The following SLIT3 variants were observed in gnomAD, a reference collection of about 807,000 sequenced individuals.
SLIT3 encodes the protein slit guidance ligand 3.
A neutral mutation model predicts 184.0 loss-of-function variants in SLIT3; 68 were observed. That is an observed-to-expected ratio of 0.37 (90% CI 0.30 to 0.45). The LOEUF (loss-of-function observed/expected upper bound fraction) is 0.45. SLIT3 is among the 20% of genes least tolerant of loss of function. The pLI, the probability that SLIT3 is intolerant of heterozygous loss-of-function variation, is 1.00. For synonymous variants in SLIT3, 831 were observed against 828.6 expected (o/e 1.00, Z -0.05); for missense variants, 1,707 against 2,026.0 (o/e 0.84, Z 3.02).
rs531475136 is a variant in SLIT3 at position 168,662,252 on chromosome 5, G to A, written c.*4202C>T. On this transcript the variant is annotated 3_prime_UTR_variant, in exon 36 of 36. Coordinates refer to ENST00000519560, the MANE Select transcript of SLIT3 (RefSeq NM_003062.4). ...TTCCTGCCTACCAGTAATGCCCTAT[G>A]ACTCCTCCAGCTCTGGTATCTGGGA... 6.6e-6 allele frequency: 1 copy of A among 152,350 alleles called. No individual in the cohort carries two copies. The highest frequency in any genetic ancestry group is 1.9e-4 in the East Asian group (1 of 5,186). 9.4% of individuals were successfully genotyped at this position (152,350 alleles called of 1,614,324 possible). A position where few individuals can be genotyped will look rare whatever the true frequency, so the allele number is the denominator to read the frequency against.
intron 1 of SLIT3, among the ~76,000 whole-genome samples, chr5:169,272,229 C>T (rs1004870688): frequency 6.6e-6 from 1 of 152,246 alleles, no homozygotes; most frequent in African/African-American, 2.4e-5. Context: ...CCTGACCACA[C>T]ACCTCCACCC....
chr5:169,033,367 T>C (rs540291071), intron 4 of SLIT3, among the ~76,000 whole-genome samples: 141 of 152,332 alleles, frequency 9.3e-4, no homozygotes, highest in African/African-American at 3.3e-3. Context: ...CTTAGGTTGT[T>C]GCCTATGTTC....
intron 4 of SLIT3, among the ~76,000 whole-genome samples, chr5:168,891,008 T>C (rs925253770): frequency 6.6e-6 from 1 of 152,210 alleles, no homozygotes; most frequent in Non-Finnish European, 1.5e-5. Context: ...TTCAATTCTC[T>C]GAATCTCAAC....
chr5:169,248,938 A>T (rs954335889), intron 2 of SLIT3, among the ~76,000 whole-genome samples: 10 of 152,168 alleles, frequency 6.6e-5, no homozygotes, highest in Non-Finnish European at 7.3e-5. Context: ...TCTCCATTTT[A>T]TCTGCTTTTG....
At chr5:168,938,723 C>T (rs777782960) in intron 4 of SLIT3, among the ~76,000 whole-genome samples, 9 of 152,094 alleles carry the variant, frequency 5.9e-5, no homozygotes, top group Non-Finnish European at 1.2e-4. Context: ...CTCCTCCTCC[C>T]GGGTTCAAGC....
chr5:168,983,487 G>A (rs545264047), intron 4 of SLIT3, among the ~76,000 whole-genome samples: 6 of 152,110 alleles, frequency 3.9e-5, no homozygotes, highest in South Asian at 4.1e-4. Context: ...TGGTTTCTCC[G>A]CAGCTAAGAT....
At chr5:168,789,747 CA>C (rs1756289798) in intron 10 of SLIT3, 116 bp from the exon 11 acceptor site, 2 of 766,584 alleles carry the variant, frequency 2.6e-6, no homozygotes, top group Admixed American at 2.2e-5. Flanking sequence ...ATCAATCAAT[CA>C]AGCAATTCAT....
rs999053786 is a variant in SLIT3 at position 169,164,889 on chromosome 5, T to C, written c.413+28590A>G. Among the ~76,000 whole-genome samples the C allele has an allele frequency of 3.9e-5, 6 of 152,242 alleles. No homozygotes were observed. In the East Asian group the frequency reaches 1.2e-3, roughly 29 times the overall value. On this transcript the variant is annotated intron_variant, in intron 4 of 35. Transcript: ENST00000519560. ...GGGACAAAGATGGGGGCAGGCTCACTGCGTGAGCCACAGAAGATACCCTGC... is the reference window on the plus strand; with the variant it reads ...GGGACAAAGATGGGGGCAGGCTCACCGCGTGAGCCACAGAAGATACCCTGC...
intron 3 of SLIT3, among the ~76,000 whole-genome samples, chr5:169,198,056 C>T (rs1763795571): frequency 6.6e-6 from 1 of 152,230 alleles, no homozygotes; most frequent in Non-Finnish European, 1.5e-5. Context: ...ATCTATGCAT[C>T]AACCAACCCA....
At chr5:169,274,355 A>T (rs995279890) in intron 1 of SLIT3, among the ~76,000 whole-genome samples, 1 of 152,220 alleles carries the variant, frequency 6.6e-6, no homozygotes, top group African/African-American at 2.4e-5. Flanking sequence ...ATGAAAGGCA[A>T]CTACTTTAAC....
At chr5:168,874,492 C>T (rs1026347044) in intron 5 of SLIT3, among the ~76,000 whole-genome samples, 1 of 152,226 alleles carries the variant, frequency 6.6e-6, no homozygotes, top group Non-Finnish European at 1.5e-5. Flanking sequence ...GACTCAACCT[C>T]TCCTTTTACG....
chr5:168,995,734 T>A (rs2113402430), intron 4 of SLIT3: 1 of 152,436 alleles, frequency 6.6e-6, no homozygotes, highest in East Asian at 1.9e-4. Context: ...CTGCTCCCTC[T>A]GCTTCCCTGT....
At chr5:168,963,721 G>A (rs1050210538) in intron 4 of SLIT3, among the ~76,000 whole-genome samples, 3 of 152,172 alleles carry the variant, frequency 2.0e-5, no homozygotes, top group East Asian at 1.9e-4. Context: ...CAGTTGCTGC[G>A]AGACAAACCC....
intron 1 of SLIT3, among the ~76,000 whole-genome samples, chr5:169,254,311 C>A (rs1465202127): frequency 6.6e-6 from 1 of 152,096 alleles, no homozygotes; most frequent in Non-Finnish European, 1.5e-5. Flanking sequence ...CCAGGCTCCT[C>A]CAGACCTTTA....
intron 4 of SLIT3, among the ~76,000 whole-genome samples, chr5:169,117,021 G>A (rs1760692213): frequency 6.6e-6 from 1 of 152,154 alleles, no homozygotes. Context: ...CAGGGGGCAG[G>A]GAGCAGGGGG....
chr5:168,972,377 G>GTGTGTGTGTGTGTGTGT (rs1554086377), intron 4 of SLIT3, among the ~76,000 whole-genome samples: 1 of 151,052 alleles, frequency 6.6e-6, no homozygotes, highest in Non-Finnish European at 1.5e-5. Context: ...GTGTGTGTGT[G>GTGTGTGTGTGTGTGTGT]AAGAGAGAAA....
rs765036841 is a variant in SLIT3, at chr5:168,683,958, G to A, written c.3686+8C>T. The A allele has an allele frequency of 1.9e-6, 3 of 1,541,812 alleles. No individual in the cohort carries two copies. The highest frequency in any genetic ancestry group is 3.7e-5 in the Admixed American group (2 of 53,502). ...ACACAGTGGGTCAGGAGGGAGAGAG[G>A]CCCTTACCTGTACACTGTGGTTGGA... On this transcript the variant is annotated splice_region_variant and intron_variant, in intron 32 of 35. Coordinates refer to ENST00000519560, the MANE Select transcript of SLIT3 (RefSeq NM_003062.4).
chr5:169,209,394 G>A (rs995715927), intron 3 of SLIT3, among the ~76,000 whole-genome samples: 1 of 152,158 alleles, frequency 6.6e-6, no homozygotes, highest in South Asian at 2.1e-4. Context: ...ACAATGTGGC[G>A]ATTCCTCAAG....
Position 169,104,191 on chromosome 5 carries a change from G to A in SLIT3, c.413+89288C>T, listed in dbSNP as rs965113838. The stretch of plus-strand genomic sequence containing the variant: ...ACCCCCATATTTGATCTGAAGGTGG[G>A]TCCCTTGCCAAGAGGTGCACCCATG... On this transcript the variant is annotated intron_variant, in intron 4 of 35. Coordinates refer to ENST00000519560, the MANE Select transcript of SLIT3 (RefSeq NM_003062.4). 2.6e-5 allele frequency among the ~76,000 whole-genome samples: 4 copies of A among 152,224 alleles called. No homozygotes were observed. In the South Asian group the frequency reaches 6.2e-4, roughly 24 times the overall value.
Sources: allele counts gnomAD v4.1 joint callset (sites outside exome capture counted in the v4.1 genomes callset), GRCh38; gene constraint gnomAD v4.1.1; transcripts MANE v1.5; gene names NCBI Gene and HGNC (gene_info 2026-07-23, HGNC 2026-07-21).